The following FBXL7 variants were observed in gnomAD, a reference collection of about 807,000 sequenced individuals.
FBXL7 encodes F-box/LRR-repeat protein 7.
FBXL7 carries 12 observed loss-of-function variants against 38.3 expected under a neutral mutation model. That is an observed-to-expected ratio of 0.31 (90% CI 0.20 to 0.51). The LOEUF (loss-of-function observed/expected upper bound fraction) is 0.51, where lower values mean the gene tolerates loss of function less well. FBXL7 is among the 20% of genes least tolerant of loss of function. The pLI, the probability that FBXL7 is intolerant of heterozygous loss-of-function variation, is 0.98. For synonymous variants in FBXL7, 297 were observed against 300.9 expected (o/e 0.99, Z 0.13); for missense variants, 567 against 676.4 (o/e 0.84, Z 1.79).
chr5:15,768,445 C>T (rs111296087), intron 2 of FBXL7, among the ~76,000 whole-genome samples: 3,178 of 151,718 alleles, frequency 0.021, 83 homozygotes, highest in East Asian at 0.067. Context: ...ACAGGAGAAT[C>T]GCTTGAATCT....
intron 2 of FBXL7, among the ~76,000 whole-genome samples, chr5:15,809,233 A>C (rs1737791702): frequency 6.6e-6 from 1 of 152,172 alleles, no homozygotes; most frequent in South Asian, 2.1e-4. Context: ...TGGTTATTTG[A>C]ACGTTGAACT....
intron 2 of FBXL7, among the ~76,000 whole-genome samples, chr5:15,926,757 T>C (rs1741886084): frequency 6.6e-6 from 1 of 152,064 alleles, no homozygotes; most frequent in Admixed American, 6.6e-5. Context: ...TGTTTCCAGT[T>C]ACCCAAGGAC....
At chr5:15,836,897 G>A (rs1467017047) in intron 2 of FBXL7, among the ~76,000 whole-genome samples, 3 of 152,226 alleles carry the variant, frequency 2.0e-5, no homozygotes, top group Admixed American at 6.5e-5. Context: ...CAGCTGTGTC[G>A]TCACCCTTTC....
chr5:15,605,940 T>C (rs900732119), intron 1 of FBXL7, among the ~76,000 whole-genome samples: 3 of 152,216 alleles, frequency 2.0e-5, no homozygotes, highest in Admixed American at 6.5e-5. Context: ...CAAGTGCTAA[T>C]GTGAAATATG....
At chr5:15,659,758 T>C (rs1170055068) in intron 2 of FBXL7, among the ~76,000 whole-genome samples, 4 of 152,146 alleles carry the variant, frequency 2.6e-5, no homozygotes, top group Admixed American at 2.6e-4. Context: ...TTAAAGTATT[T>C]TCTAGATATA....
At chr5:15,559,747 G>T (rs549434535) in intron 1 of FBXL7, among the ~76,000 whole-genome samples, 83 of 152,338 alleles carry the variant, frequency 5.4e-4, no homozygotes, top group Admixed American at 5.4e-3. Flanking sequence ...TGTAGCATGT[G>T]TGTAATTGCT....
chr5:15,840,510 T>G (rs2126782977), intron 2 of FBXL7, among the ~76,000 whole-genome samples: 1 of 152,292 alleles, frequency 6.6e-6, no homozygotes, highest in South Asian at 2.1e-4. Flanking sequence ...ATTAACACCA[T>G]TATGATATTG....
At chr5:15,868,994 A>T (rs1739837792) in intron 2 of FBXL7, among the ~76,000 whole-genome samples, 1 of 152,168 alleles carries the variant, frequency 6.6e-6, no homozygotes, top group South Asian at 2.1e-4. Flanking sequence ...TGGGCCAGGA[A>T]TCCAGGCACA....
intron 2 of FBXL7, among the ~76,000 whole-genome samples, chr5:15,679,692 A>C (rs1019443364): frequency 2.0e-5 from 3 of 152,074 alleles, no homozygotes; most frequent in Non-Finnish European, 4.4e-5. Context: ...AGTACCCCCC[A>C]AAAAATATCT....
intron 2 of FBXL7, among the ~76,000 whole-genome samples, chr5:15,886,864 T>C (rs1317346164): frequency 6.6e-6 from 1 of 152,234 alleles, no homozygotes; most frequent in African/African-American, 2.4e-5. Flanking sequence ...AGGCAACACC[T>C]CTTATCTAAC....
intron 2 of FBXL7, among the ~76,000 whole-genome samples, chr5:15,771,201 G>A (rs1260409455): frequency 1.3e-5 from 2 of 152,180 alleles, no homozygotes; most frequent in Non-Finnish European, 2.9e-5. Context: ...CTAATGCACA[G>A]CATTTGCTTC....
chr5:15,648,895 CT>C (rs5866155), intron 2 of FBXL7, among the ~76,000 whole-genome samples: 480 of 143,226 alleles, frequency 3.4e-3, no homozygotes, highest in East Asian at 5.7e-3. Context: ...TCAATTTCAA[CT>C]TTTTTTTTTT....
chr5:15,716,566 A>C (rs971542263), intron 2 of FBXL7, among the ~76,000 whole-genome samples: 4 of 152,030 alleles, frequency 2.6e-5, no homozygotes, highest in African/African-American at 9.7e-5. Flanking sequence ...CTTTCTCACC[A>C]TTCTTCCTCT....
chr5:15,654,261 A>T (rs1404076994), intron 2 of FBXL7, among the ~76,000 whole-genome samples: 6 of 152,190 alleles, frequency 3.9e-5, no homozygotes, highest in Non-Finnish European at 8.8e-5. Context: ...CAACTGATGG[A>T]ATAGCTACCT....
intron 1 of FBXL7, among the ~76,000 whole-genome samples, chr5:15,532,948 G>C (rs1172152909): frequency 1.3e-5 from 2 of 152,334 alleles, no homozygotes; most frequent in South Asian, 4.2e-4. Context: ...CCACTTATTT[G>C]ATGTGGTTGA....
chr5:15,744,674 C>G (rs1735970312), intron 2 of FBXL7, among the ~76,000 whole-genome samples: 1 of 152,144 alleles, frequency 6.6e-6, no homozygotes, highest in Non-Finnish European at 1.5e-5. Flanking sequence ...TAGCAGCACC[C>G]CACTCTCTGT....
chr5:15,894,546 A>G (rs144043845), intron 2 of FBXL7, among the ~76,000 whole-genome samples: 191 of 152,328 alleles, frequency 1.3e-3, no homozygotes, highest in African/African-American at 4.3e-3. Context: ...GATAGCAGTG[A>G]CATATCACCT....
At chr5:15,638,497 A>G (rs1300205568) in intron 2 of FBXL7, among the ~76,000 whole-genome samples, 1 of 152,114 alleles carries the variant, frequency 6.6e-6, no homozygotes, top group Admixed American at 6.6e-5. Flanking sequence ...AACTTCTCCA[A>G]GTGACTTGGA....
intron 2 of FBXL7, among the ~76,000 whole-genome samples, chr5:15,845,797 C>A (rs1738880973): frequency 6.6e-6 from 1 of 152,024 alleles, no homozygotes; most frequent in Non-Finnish European, 1.5e-5. Context: ...CGGTGAAACC[C>A]CGTCTCTAGT....
Sources: allele counts gnomAD v4.1 joint callset (sites outside exome capture counted in the v4.1 genomes callset), GRCh38; gene constraint gnomAD v4.1.1; transcripts MANE v1.5; gene names NCBI Gene and HGNC (gene_info 2026-07-23, HGNC 2026-07-21).